LRMDA: variants seen among roughly 807,000 people sequenced by gnomAD.
LRMDA encodes the protein leucine-rich melanocyte differentiation-associated protein.
A neutral mutation model predicts 29.8 loss-of-function variants in LRMDA; 18 were observed. The observed-to-expected ratio is 0.60, with a 90% CI of 0.42 to 0.90. LRMDA has a LOEUF of 0.90. LRMDA is among the 40% of genes least tolerant of loss of function. The probability of loss-of-function intolerance (pLI) is 0.00; values close to 1 mark genes in which losing one functional copy is unlikely to be tolerated. For missense variants in LRMDA, 273 were observed against 273.9 expected (o/e 1.00, Z 0.02); for synonymous variants, 125 against 109.4 (o/e 1.14, Z -0.89).
chr10:76,031,619 A>T (rs936724506), intron 2 of LRMDA, among the ~76,000 whole-genome samples: 2 of 152,178 alleles, frequency 1.3e-5, no homozygotes, highest in South Asian at 4.2e-4. Flanking sequence ...AGAGATCCAT[A>T]CAGAACAGGC....
At chr10:76,086,579 T>C (rs1190168127) in intron 5 of LRMDA, among the ~76,000 whole-genome samples, 3 of 152,202 alleles carry the variant, frequency 2.0e-5, no homozygotes, top group African/African-American at 4.8e-5. Context: ...CTATACACTC[T>C]ATTCAGTAAG....
intron 5 of LRMDA, among the ~76,000 whole-genome samples, chr10:76,140,481 C>G (rs1170245944): frequency 6.6e-6 from 1 of 152,156 alleles, no homozygotes; most frequent in Non-Finnish European, 1.5e-5. Context: ...AGCCTGAACT[C>G]AAGCCACCTT....
chr10:75,488,398 G>A (rs1844942231), intron 2 of LRMDA, among the ~76,000 whole-genome samples: 1 of 152,170 alleles, frequency 6.6e-6, no homozygotes, highest in Non-Finnish European at 1.5e-5. Flanking sequence ...CTCCTGGTAG[G>A]TATGAAGGCT....
At chr10:76,169,391 C>G (rs2132190252) in intron 5 of LRMDA, among the ~76,000 whole-genome samples, 1 of 152,302 alleles carries the variant, frequency 6.6e-6, no homozygotes, top group Non-Finnish European at 1.5e-5. Context: ...CTTTCCCTCA[C>G]AGATGGCAGT....
At chr10:76,139,775 G>T (rs1363819345) in intron 5 of LRMDA, among the ~76,000 whole-genome samples, 1 of 152,118 alleles carries the variant, frequency 6.6e-6, no homozygotes, top group East Asian at 1.9e-4. Flanking sequence ...AGACCTGACT[G>T]TTATGTCAAA....
At chr10:75,868,711 T>A (rs900799245) in intron 2 of LRMDA, among the ~76,000 whole-genome samples, 1 of 152,328 alleles carries the variant, frequency 6.6e-6, no homozygotes, top group African/African-American at 2.4e-5. Context: ...TGTGTCCAGA[T>A]GCTTGGTGTA....
chr10:76,148,675 G>C (rs1850379613), intron 5 of LRMDA, among the ~76,000 whole-genome samples: 1 of 152,136 alleles, frequency 6.6e-6, no homozygotes, highest in South Asian at 2.1e-4. Flanking sequence ...TACTGCTCGT[G>C]CACAGTGCGC....
At chr10:75,906,716 G>C (rs1236339800) in intron 2 of LRMDA, among the ~76,000 whole-genome samples, 1 of 152,256 alleles carries the variant, frequency 6.6e-6, no homozygotes, top group African/African-American at 2.4e-5. Context: ...CATCCACGGA[G>C]TGCGCTCATT....
chr10:76,385,617 T>TAAACA (rs1841650288), intron 6 of LRMDA, among the ~76,000 whole-genome samples: 1 of 152,222 alleles, frequency 6.6e-6, no homozygotes, highest in African/African-American at 2.4e-5. Flanking sequence ...TGCTTCTGTT[T>TAAACA]GGCCTGATTT....
intron 2 of LRMDA, among the ~76,000 whole-genome samples, chr10:75,831,605 A>G (rs1844346308): frequency 6.6e-6 from 1 of 152,098 alleles, no homozygotes; most frequent in African/African-American, 2.4e-5. Context: ...TCATAGTTCC[A>G]CTAGGTAGTG....
At chr10:75,595,326 C>T (rs897161106) in intron 2 of LRMDA, among the ~76,000 whole-genome samples, 1 of 152,078 alleles carries the variant, frequency 6.6e-6, no homozygotes, top group Non-Finnish European at 1.5e-5. Context: ...AGGATAATAA[C>T]AAGAATGTTA....
chr10:76,311,444 G>GA (rs2132378750), intron 5 of LRMDA, among the ~76,000 whole-genome samples: 1 of 152,010 alleles, frequency 6.6e-6, no homozygotes, highest in Admixed American at 6.5e-5. Context: ...CTATTTTTGT[G>GA]AAAAAAGATC....
chr10:76,031,895 C>T (rs1848156210), intron 2 of LRMDA, among the ~76,000 whole-genome samples: 1 of 152,204 alleles, frequency 6.6e-6, no homozygotes, highest in Non-Finnish European at 1.5e-5. Context: ...CTGTGGTCAG[C>T]TATTCCCCAT....
chr10:75,924,475 A>G (rs7907673), intron 2 of LRMDA, among the ~76,000 whole-genome samples: 3,487 of 152,280 alleles, frequency 0.023, 138 homozygotes, highest in African/African-American at 0.078. Flanking sequence ...AAATAATTGC[A>G]TTGGTTGGAA....
chr10:75,549,297 A>G (rs1193493539), intron 2 of LRMDA, among the ~76,000 whole-genome samples: 4 of 152,252 alleles, frequency 2.6e-5, no homozygotes, highest in East Asian at 1.9e-4. Flanking sequence ...TATTCAATCA[A>G]TTGAATATTG....
intron 2 of LRMDA, among the ~76,000 whole-genome samples, chr10:75,611,628 T>C (rs918805165): frequency 7.2e-5 from 11 of 152,208 alleles, no homozygotes; most frequent in Non-Finnish European, 1.0e-4. Context: ...TACAGGACTT[T>C]TGTCCTTTTG....
In LRMDA at chr10:76,414,596, G is replaced by T. The variant is rs147996481; in HGVS notation, c.601+90111G>T. On this transcript the variant is annotated intron_variant, in intron 6 of 6. Coordinates refer to ENST00000611255, the MANE Select transcript of LRMDA (RefSeq NM_001305581.2). ...AATAATGTTGACTGGAGTTCTTGTG[G>T]AACGCTGTCATGAGAGGGCCTGGAA... 2.4e-3 allele frequency among the ~76,000 whole-genome samples: 361 copies of T among 152,280 alleles called. 2 individuals are homozygous for T. The highest frequency in any genetic ancestry group is 8.4e-3 in the African/African-American group (350 of 41,556).
At position 75,843,671 on chromosome 10, in the gene LRMDA, C is replaced by T. The variant is rs375433679; in HGVS notation, c.132-192337C>T. Among the ~76,000 whole-genome samples the T allele has an allele frequency of 3.9e-5, 6 of 152,188 alleles. No individual in the cohort carries two copies. In the East Asian group the frequency reaches 7.7e-4, roughly 20 times the overall value. On this transcript the variant is annotated intron_variant, in intron 2 of 6. Transcript: ENST00000611255. ...TGCTCATTATTATGTCATGTTAAAA[C>T]GTTTGTATCAGACCCTTTCTGTGGG...
At chr10:75,671,077 G>T (rs1213287275) in intron 2 of LRMDA, among the ~76,000 whole-genome samples, 1 of 152,160 alleles carries the variant, frequency 6.6e-6, no homozygotes, top group African/African-American at 2.4e-5. Context: ...TGGGGGTGAT[G>T]AGGTTTTATA....
Sources: gnomAD v4.1 joint callset for allele counts (sites outside exome capture counted in the v4.1 genomes callset) on GRCh38, gnomAD v4.1.1 for gene constraint, MANE v1.5 for transcripts, NCBI Gene and HGNC (gene_info 2026-07-23, HGNC 2026-07-21) for gene names.